CNST: variants seen among roughly 807,000 people sequenced by gnomAD.
CNST encodes consortin, connexin sorting protein.
A neutral mutation model predicts 72.4 loss-of-function variants in CNST; 39 were observed. The observed-to-expected ratio is 0.54, with a 90% confidence interval of 0.42 to 0.70. CNST has a LOEUF of 0.70. Among genes scored for constraint, CNST ranks in the 30% least tolerant of loss-of-function variants. CNST has a pLI of 0.00. For missense variants in CNST, 871 were observed against 868.5 expected, an observed-to-expected ratio of 1.00 and a Z score of -0.04; for synonymous variants, 332 against 320.1, an observed-to-expected ratio of 1.04 and a Z score of -0.40.
rs1664960247 is a variant in CNST at position 246,633,934 on chromosome 1, A to G, written c.627A>G (p.Ala209=). Residue 209 remains alanine (A), a synonymous_variant, in exon 5 of 11, where the codon GCA becomes GCG. Transcript: ENST00000366513. ...AAATGTTCTATTCAGATGAGAAAGC[A>G]ATGAAATTCATTCAGCTAGAACGAT... ...SYFQEEDYEK[A]MKFIQLERLY... 6.2e-7 allele frequency: 1 copy of G among 1,606,846 alleles called. No individual in the cohort carries two copies. The highest frequency in any genetic ancestry group is 1.3e-5 in the African/African-American group (1 of 74,788).
chr1:246,668,143 A>G lies in CNST; in HGVS notation c.*2238A>G, dbSNP rs1667459944. Reference sequence around the variant, plus strand: ...GGCAGTTTTTAAAAATGTCATAGTTATCTATTGCATGAACTGGAGTAATTC... The same window carrying G: ...GGCAGTTTTTAAAAATGTCATAGTTGTCTATTGCATGAACTGGAGTAATTC... On this transcript the variant is annotated 3_prime_UTR_variant, in exon 11 of 11. Transcript: ENST00000366513. 1 of 152,214 alleles carries G rather than the reference A, an allele frequency of 6.6e-6. No individual in the cohort carries two copies. Among genetic ancestry groups the G allele is most frequent in the South Asian group, 2.1e-4 (1 of 4,838 alleles). 9.4% of individuals were successfully genotyped at this position (152,214 alleles called of 1,614,324 possible).
intron 1 of CNST, among the ~76,000 whole-genome samples, chr1:246,581,424 T>C (rs1445612707): frequency 2.0e-5 from 3 of 152,202 alleles, no homozygotes; most frequent in Non-Finnish European, 4.4e-5. Flanking sequence ...CCTCCACGCC[T>C]GGCTGATTTT....
intron 3 of CNST, among the ~76,000 whole-genome samples, chr1:246,629,357 T>C (rs1204820980): frequency 1.3e-5 from 2 of 150,762 alleles, no homozygotes; most frequent in Non-Finnish European, 2.9e-5. Context: ...AAAGGGGAAA[T>C]ACTTTGTATA....
Position 246,666,477 on chromosome 1 carries a change from A to G in CNST, c.*572A>G, listed in dbSNP as rs186518362. 1.3e-5 allele frequency: 2 copies of G among 152,814 alleles called. No homozygotes were observed. 9.5% of individuals were successfully genotyped at this position (152,814 alleles called of 1,614,324 possible). A position where few individuals can be genotyped will look rare whatever the true frequency, so the allele number is the denominator to read the frequency against. On this transcript the variant is annotated 3_prime_UTR_variant, in exon 11 of 11. Transcript: ENST00000366513. ...CGTGCGCATGTGCTTCCGGCAGTTA[A>G]CATAAGCAAATACCCAACATCACAA...
chr1:246,575,106 G>A (rs950740690), intron 1 of CNST, among the ~76,000 whole-genome samples: 2 of 151,750 alleles, frequency 1.3e-5, no homozygotes, highest in Non-Finnish European at 2.9e-5. Flanking sequence ...AGTGATTCTC[G>A]CCTCAGCCTC....
intron 2 of CNST, among the ~76,000 whole-genome samples, chr1:246,602,768 G>A (rs923073955): frequency 1.3e-5 from 2 of 152,124 alleles, no homozygotes; most frequent in African/African-American, 4.8e-5. Flanking sequence ...CAAGGACCCC[G>A]TGAGAATGTA....
At chr1:246,658,900 C>A (rs1317292932) in intron 9 of CNST, among the ~76,000 whole-genome samples, 3 of 152,248 alleles carry the variant, frequency 2.0e-5, no homozygotes, top group African/African-American at 7.2e-5. Context: ...GCTTCCCAGC[C>A]TGGCTCTCCC....
At chr1:246,572,292 TAA>T (rs1167287657) in intron 1 of CNST, among the ~76,000 whole-genome samples, 4 of 152,212 alleles carry the variant, frequency 2.6e-5, no homozygotes, top group African/African-American at 7.2e-5. Flanking sequence ...GATTTTGAAA[TAA>T]GTTATTAAAA....
chr1:246,635,105 T>C lies in CNST; in HGVS notation c.818+518T>C, dbSNP rs139718668. On this transcript the variant is annotated intron_variant, in intron 6 of 10. Transcript: ENST00000366513. ...ATTCATCCCCCCAAGCTTTCGGCCC[T>C]GGGGAGAATCTTTCATTCCTATTTG... Among the ~76,000 whole-genome samples the C allele has an allele frequency of 2.0e-3, 299 of 152,172 alleles. 1 individual carries two copies. Among genetic ancestry groups the C allele is most frequent in the Middle Eastern group, 3.4e-3 (1 of 294 alleles).
chr1:246,575,952 G>A (rs561326264), intron 1 of CNST, among the ~76,000 whole-genome samples: 2 of 151,782 alleles, frequency 1.3e-5, no homozygotes, highest in Non-Finnish European at 2.9e-5. Context: ...CTCTCTGGGC[G>A]CGGTGGCTCG....
intron 1 of CNST, among the ~76,000 whole-genome samples, chr1:246,575,157 C>T (rs1395704123): frequency 6.6e-6 from 1 of 152,058 alleles, no homozygotes; most frequent in East Asian, 1.9e-4. Context: ...CCAAGCCTGG[C>T]TAATTTTTGT....
chr1:246,576,999 A>AT (rs1558526846), intron 1 of CNST, among the ~76,000 whole-genome samples: 1 of 151,918 alleles, frequency 6.6e-6, no homozygotes, highest in Non-Finnish European at 1.5e-5. Context: ...TTACCTTAAA[A>AT]TTTTTTAAAA....
intron 2 of CNST, among the ~76,000 whole-genome samples, chr1:246,595,229 A>C (rs1379687092): frequency 6.6e-6 from 1 of 152,160 alleles, no homozygotes; most frequent in Non-Finnish European, 1.5e-5. Flanking sequence ...TAGATGTGGA[A>C]GAGACCTAGA....
In CNST at chr1:246,667,417, T is replaced by C. The variant is rs1254705197; in HGVS notation, c.*1512T>C. On this transcript the variant is annotated 3_prime_UTR_variant, in exon 11 of 11. Coordinates refer to ENST00000366513, the MANE Select transcript of CNST (RefSeq NM_152609.3). ...GTGTTTTGATTTTCTATAATTTCAG[T>C]TCCGCGTGTTTTTACACTTGTTCAT... The C allele has an allele frequency of 6.6e-6, 1 of 152,206 alleles. No homozygotes were observed. Among genetic ancestry groups the C allele is most frequent in the Non-Finnish European group, 1.5e-5 (1 of 68,036 alleles). 9.4% of individuals were successfully genotyped at this position (152,206 alleles called of 1,614,324 possible). A position where few individuals can be genotyped will look rare whatever the true frequency, so the allele number is the denominator to read the frequency against.
rs544627508 is a variant in CNST at position 246,615,302 on chromosome 1, C to T, written c.380-6127C>T. Reference sequence around the variant, plus strand: ...GCCATTCTCCTGCCTCAGCCTCCCGCGTAGCTGGGACTACAGGCGCGTGCC... The same window carrying T: ...GCCATTCTCCTGCCTCAGCCTCCCGTGTAGCTGGGACTACAGGCGCGTGCC... On this transcript the variant is annotated intron_variant, in intron 2 of 10. Transcript: ENST00000366513. Among the ~76,000 whole-genome samples, 39 of 152,162 alleles carry T rather than the reference C, an allele frequency of 2.6e-4. 1 individual carries two copies. Among genetic ancestry groups the T allele is most frequent in the African/African-American group, 8.4e-4 (35 of 41,556 alleles).
At chr1:246,570,267 G>A (rs1374109960) in intron 1 of CNST, among the ~76,000 whole-genome samples, 1 of 152,204 alleles carries the variant, frequency 6.6e-6, no homozygotes, top group African/African-American at 2.4e-5. Context: ...ACGTAGAACC[G>A]TCAGTGGTTC....
intron 9 of CNST, among the ~76,000 whole-genome samples, chr1:246,657,237 G>A (rs953712693): frequency 6.6e-6 from 1 of 152,090 alleles, no homozygotes; most frequent in Non-Finnish European, 1.5e-5. Context: ...GATGCTGTCC[G>A]CCACTCCCAC....
chr1:246,593,919 T>C (rs1466162851), intron 2 of CNST, among the ~76,000 whole-genome samples: 2 of 152,142 alleles, frequency 1.3e-5, no homozygotes, highest in Non-Finnish European at 2.9e-5. Context: ...TGTGCTACCA[T>C]GCCTGACTAA....
chr1:246,639,168 A>G (rs1262670815), intron 6 of CNST, among the ~76,000 whole-genome samples: 1 of 152,014 alleles, frequency 6.6e-6, no homozygotes, highest in Non-Finnish European at 1.5e-5. Flanking sequence ...TAGAACATGT[A>G]GTGCAACTCC....
Sources: gnomAD v4.1 joint callset for allele counts (sites outside exome capture counted in the v4.1 genomes callset) on GRCh38, gnomAD v4.1.1 for gene constraint, MANE v1.5 for transcripts, NCBI Gene and HGNC (gene_info 2026-07-23, HGNC 2026-07-21) for gene names.